The following FBXW8 variants were observed in gnomAD, a reference collection of about 807,000 sequenced individuals.
FBXW8 encodes F-box and WD repeat domain containing 8, also known as F-box/WD repeat-containing protein 8.
A neutral mutation model predicts 65.3 loss-of-function variants in FBXW8; 57 were observed. The observed-to-expected ratio is 0.87, with a 90% CI of 0.71 to 1.09. FBXW8 has a LOEUF of 1.09. Among genes scored for constraint, FBXW8 ranks in the 50% least tolerant of loss-of-function variants. The probability of loss-of-function intolerance (pLI) is 0.00; values close to 1 mark genes in which losing one functional copy is unlikely to be tolerated. For missense variants in FBXW8, 777 were observed against 814.8 expected (o/e 0.95, Z 0.57); for synonymous variants, 308 against 330.2 (o/e 0.93, Z 0.73).
At chr12:116,935,026 T>C (rs1257149752) in intron 2 of FBXW8, among the ~76,000 whole-genome samples, 1 of 152,268 alleles carries the variant, frequency 6.6e-6, no homozygotes, top group African/African-American at 2.4e-5. Flanking sequence ...AATTTTGTTT[T>C]CAGTTTTTTA....
At chr12:116,955,495 T>G (rs1250518875) in intron 4 of FBXW8, among the ~76,000 whole-genome samples, 2 of 152,250 alleles carry the variant, frequency 1.3e-5, no homozygotes, top group East Asian at 3.8e-4. Context: ...CTGGACCTCC[T>G]GAAATGCTAG....
chr12:116,929,631 A>G lies in FBXW8; in HGVS notation c.423+1504A>G, dbSNP rs370725158. 1.1e-4 allele frequency among the ~76,000 whole-genome samples: 16 copies of G among 152,328 alleles called. No individual in the cohort carries two copies. The East Asian group carries it at 2.7e-3, about 26-fold the overall frequency. ...GTATAACATGATTTTTGAAATATCT[A>G]TGCATTGTGGAATGGCTCAGTTGAG... is the stretch of plus-strand genomic sequence containing the variant. On this transcript the variant is annotated intron_variant, in intron 2 of 10. Coordinates refer to ENST00000652555, the MANE Select transcript of FBXW8 (RefSeq NM_153348.3).
At chr12:116,992,871 C>T (rs1450945248) in intron 7 of FBXW8, among the ~76,000 whole-genome samples, 1 of 150,432 alleles carries the variant, frequency 6.6e-6, no homozygotes, top group Non-Finnish European at 1.5e-5. Flanking sequence ...TGTGATTTGT[C>T]CTGCAATAAA....
At chr12:116,941,815 G>GT (rs1244412100) in intron 2 of FBXW8, among the ~76,000 whole-genome samples, 1 of 151,918 alleles carries the variant, frequency 6.6e-6, no homozygotes, top group Admixed American at 6.6e-5. Context: ...TCTTTACTCT[G>GT]TTTTTTGAGT....
rs1593047865 is a variant in FBXW8, at chr12:116,928,213, C to A, written c.423+86C>A. On this transcript the variant is annotated intron_variant, in intron 2 of 10. Coordinates refer to ENST00000652555, the MANE Select transcript of FBXW8 (RefSeq NM_153348.3). ...CTCCGGGGTAATAGAAATTTACTCA[C>A]AGAATTATAAACTTTGCAGAATTAA... is the stretch of plus-strand genomic sequence containing the variant. 8.0e-6 allele frequency: 7 copies of A among 869,998 alleles called. No homozygotes were observed. In the East Asian group the frequency reaches 1.5e-4, roughly 19 times the overall value. The allele number at this position is 869,998 out of a possible 1,614,324, so 53.9% of individuals were successfully genotyped here.
intron 7 of FBXW8, among the ~76,000 whole-genome samples, chr12:117,008,003 C>T (rs146205632): frequency 1.0e-3 from 156 of 152,270 alleles, no homozygotes; most frequent in African/African-American, 3.4e-3. Context: ...TTAGAAAATA[C>T]TGGACTCTGG....
chr12:116,965,696 C>T (rs759392979), intron 5 of FBXW8, among the ~76,000 whole-genome samples: 17 of 152,152 alleles, frequency 1.1e-4, no homozygotes, highest in Admixed American at 2.0e-4. Flanking sequence ...ACTAAAGTAG[C>T]TAATGGGGAA....
Position 116,936,134 on chromosome 12 carries a change from G to T in FBXW8, c.423+8007G>T, listed in dbSNP as rs1882140258. On this transcript the variant is annotated intron_variant, in intron 2 of 10. Transcript: ENST00000652555. This position sits in a 1 kb window ranked among gnomAD's most constrained non-coding sequence, Gnocchi z 4.6. ...TGATATGGGGGTTGCACTTTTGAGT[G>T]GCCAGGGAAGACTTTGCAGAGAAGG... 6.6e-6 allele frequency among the ~76,000 whole-genome samples: 1 copy of T among 152,196 alleles called. No individual in the cohort carries two copies. The highest frequency in any genetic ancestry group is 2.4e-5 in the African/African-American group (1 of 41,444).
chr12:116,987,656 G>A (rs1223193495), intron 6 of FBXW8, among the ~76,000 whole-genome samples: 2 of 151,906 alleles, frequency 1.3e-5, no homozygotes, highest in East Asian at 1.9e-4. Flanking sequence ...TTTTTTTTGC[G>A]AATTTGGAGC....
At chr12:116,983,859 T>C (rs1885480646) in intron 5 of FBXW8, among the ~76,000 whole-genome samples, 1 of 152,244 alleles carries the variant, frequency 6.6e-6, no homozygotes, top group East Asian at 1.9e-4. Context: ...TCTCCTTTCA[T>C]CTGCCTCACA....
intron 5 of FBXW8, among the ~76,000 whole-genome samples, chr12:116,965,852 G>A (rs764112332): frequency 1.1e-4 from 16 of 151,840 alleles, no homozygotes; most frequent in Non-Finnish European, 1.5e-5. Flanking sequence ...TCAACCTCCC[G>A]GGATCCAGTG....
At chr12:116,948,036 G>C (rs1883046543) in intron 3 of FBXW8, among the ~76,000 whole-genome samples, 1 of 152,146 alleles carries the variant, frequency 6.6e-6, no homozygotes, top group African/African-American at 2.4e-5. Flanking sequence ...ATTTGGTTTG[G>C]TACCTCTTAA....
Position 117,024,261 on chromosome 12 carries a change from A to T in FBXW8, c.1482A>T (p.Glu494Asp). 1.2e-6 allele frequency: 2 copies of T among 1,614,170 alleles called. No homozygotes were observed. The highest frequency in any genetic ancestry group is 1.7e-6 in the Non-Finnish European group (2 of 1,180,034). The change falls in exon 9 of 11, where the codon GAA (glutamate) becomes GAT (aspartate). Residue 494 changes from glutamate to aspartate, a missense_variant. Transcript: ENST00000652555. The stretch of plus-strand genomic sequence containing the variant: ...GGAAGATCGTCAGTGGAGGCGAGGA[A>T]GGCCTGGTGTCCGTGTGGGATTATC... ...DDWKIVSGGE[E>D]GLVSVWDYRM...
At chr12:117,012,186 C>T (rs1244727876) in intron 8 of FBXW8, among the ~76,000 whole-genome samples, 1 of 140,972 alleles carries the variant, frequency 7.1e-6, no homozygotes, top group African/African-American at 2.9e-5. Context: ...TATGTACGCA[C>T]TGCCAGGGAG....
intron 5 of FBXW8, 32 bp downstream of exon 5, chr12:116,964,886 GAA>G (rs141187693): frequency 3.6e-6 from 5 of 1,405,172 alleles, no homozygotes; most frequent in Middle Eastern, 2.6e-4. Flanking sequence ...CCCTATTAAG[GAA>G]AAAAAAAAGC....
chr12:117,027,598 G>T (rs1592977044), intron 10 of FBXW8, 94 bp downstream of exon 10: 1 of 969,872 alleles, frequency 1.0e-6, no homozygotes, highest in East Asian at 2.5e-5. Context: ...CACCCTATGG[G>T]CTATACCCTC....
In FBXW8 at chr12:117,010,400, C is replaced by G. The variant is rs1206157766; in HGVS notation, c.1317C>G (p.Asn439Lys). The change falls in exon 8 of 11, where the codon AAC (asparagine) becomes AAG (lysine). Residue 439 changes from asparagine (N) to lysine (K), a missense_variant. Asn to Lys is a moderately conservative substitution (Grantham distance 94). Coordinates refer to ENST00000652555, the MANE Select transcript of FBXW8 (RefSeq NM_153348.3). ...TTCTCCGTGACTTCACGTGTGTCAACCTCAGCGACAGCCCTCCCAACCTCA... is the reference window on the plus strand; with the variant it reads ...TTCTCCGTGACTTCACGTGTGTCAAGCTCAGCGACAGCCCTCCCAACCTCA... ...GNVLRDFTCV[N>K]LSDSPPNLMV... 1 of 1,614,128 alleles carries G rather than the reference C, an allele frequency of 6.2e-7. No homozygotes were observed. Among genetic ancestry groups the G allele is most frequent in the East Asian group, 2.2e-5 (1 of 44,892 alleles).
chr12:116,970,429 C>T (rs1167229506), intron 5 of FBXW8, among the ~76,000 whole-genome samples: 1 of 152,118 alleles, frequency 6.6e-6, no homozygotes, highest in African/African-American at 2.4e-5. Flanking sequence ...CTCCATTGTC[C>T]GGGACTGTGG....
intron 4 of FBXW8, among the ~76,000 whole-genome samples, chr12:116,960,207 C>T (rs540430910): frequency 6.6e-6 from 1 of 152,192 alleles, no homozygotes; most frequent in Non-Finnish European, 1.5e-5. Context: ...AGGGTTTGGT[C>T]CAGGTCCCTC....
Sources: allele counts gnomAD v4.1 joint callset (sites outside exome capture counted in the v4.1 genomes callset), GRCh38; gene constraint gnomAD v4.1.1; non-coding constraint Gnocchi (gnomAD v3.1); transcripts MANE v1.5; gene names NCBI Gene and HGNC (gene_info 2026-07-23, HGNC 2026-07-21).